Variants in ZMYM2 observed in about 807,000 individuals in gnomAD.
ZMYM2 encodes zinc finger MYM-type containing 2, also known as zinc finger MYM-type protein 2.
ZMYM2 carries 56 observed loss-of-function variants against 162.8 expected under a neutral mutation model. The ratio of observed to expected loss-of-function variants is 0.34; its 90% CI spans 0.28 to 0.43. The LOEUF is 0.43. ZMYM2 is among the 20% of genes least tolerant of loss of function. The pLI is 1.00. For missense variants in ZMYM2, 1,275 were observed against 1,621.8 expected, an observed-to-expected ratio of 0.79 and a Z score of 3.67; for synonymous variants, 510 against 541.6, an observed-to-expected ratio of 0.94 and a Z score of 0.81.
chr13:20,084,278 GC>G (rs1958100039), intron 24 of ZMYM2, among the ~76,000 whole-genome samples: 1 of 152,174 alleles, frequency 6.6e-6, no homozygotes, highest in Non-Finnish European at 1.5e-5. Flanking sequence ...CTCCCAAAGT[GC>G]TGGAATTACA....
In ZMYM2 at chr13:19,993,456, TCAAGGG is replaced by T; in HGVS notation, c.389_394del (p.Gly130_Gln131del). ...ATGATGAAGAGGACATGGAAACAAA[TCAAGGG>T]CAAGAGAAAAATTCCTCCAATTTTA... is the stretch of plus-strand genomic sequence containing the variant. On this transcript the variant is annotated inframe_deletion, in exon 3 of 25. Coordinates refer to ENST00000610343, the MANE Select transcript of ZMYM2 (RefSeq NM_197968.4). 6.2e-7 allele frequency: 1 copy of T among 1,613,922 alleles called. No individual in the cohort carries two copies. Among genetic ancestry groups the T allele is most frequent in the Non-Finnish European group, 8.5e-7 (1 of 1,179,924 alleles).
chr13:19,891,763 C>G, the ZMYM2 span, among the ~76,000 whole-genome samples: 2 of 151,714 alleles, frequency 1.3e-5, no homozygotes, highest in African/African-American at 4.9e-5. Context: ...GGCAACAGCT[C>G]AAGATCCTCC....
the ZMYM2 span, among the ~76,000 whole-genome samples, chr13:19,869,583 T>C: frequency 1.1e-4 from 17 of 151,258 alleles, no homozygotes; most frequent in African/African-American, 4.1e-4. Context: ...AGCCCAAGAG[T>C]TTCAGACCAG....
At chr13:19,955,332 C>G (rs1477073503), upstream of ZMYM2, among the ~76,000 whole-genome samples, 1 of 152,044 alleles carries the variant, frequency 6.6e-6, no homozygotes, top group Non-Finnish European at 1.5e-5. Context: ...AAGTTTTATA[C>G]ATGTATGCTC....
chr13:19,923,191 C>CAAAA, the ZMYM2 span, among the ~76,000 whole-genome samples: 3 of 125,526 alleles, frequency 2.4e-5, no homozygotes, highest in East Asian at 4.7e-4. Flanking sequence ...ACTAAATATA[C>CAAAA]AAAAAAAAAA....
chr13:19,885,911 A>ATACACACATATGTGTG, the ZMYM2 span, among the ~76,000 whole-genome samples: 35 of 25,610 alleles, frequency 1.4e-3, 9 homozygotes, highest in East Asian at 4.8e-3. Flanking sequence ...ATATATATGT[A>ATACACACATATGTGTG]TATACACATA....
chr13:20,042,360 T>TA (rs1432612388), intron 12 of ZMYM2, among the ~76,000 whole-genome samples: 1 of 152,134 alleles, frequency 6.6e-6, no homozygotes, highest in East Asian at 1.9e-4. Context: ...TATTAATACT[T>TA]ATGATTGCCT....
intron 5 of ZMYM2, among the ~76,000 whole-genome samples, chr13:20,005,911 G>A (rs933107512): frequency 1.3e-5 from 2 of 152,106 alleles, no homozygotes; most frequent in East Asian, 1.9e-4. Context: ...ATGTGTTCCT[G>A]TGTGTATAAA....
intron 12 of ZMYM2, among the ~76,000 whole-genome samples, chr13:20,044,314 C>A (rs1954560277): frequency 6.6e-6 from 1 of 152,188 alleles, no homozygotes; most frequent in Non-Finnish European, 1.5e-5. Flanking sequence ...GAGGCCTGTG[C>A]CCAGAGCAGG....
chr13:20,015,279 T>C (rs578231310), intron 6 of ZMYM2, among the ~76,000 whole-genome samples: 22 of 152,314 alleles, frequency 1.4e-4, no homozygotes, highest in African/African-American at 5.3e-4. Context: ...GTTCCTTCTA[T>C]TACTGATTTC....
At chr13:20,053,158 C>T (rs926533207) in intron 14 of ZMYM2, among the ~76,000 whole-genome samples, 5 of 152,188 alleles carry the variant, frequency 3.3e-5, no homozygotes, top group African/African-American at 1.2e-4. Flanking sequence ...TTACAGCAGT[C>T]ACCAGTGGTG....
chr13:20,079,467 TTTGCCTCTG>T (rs1957768763), intron 21 of ZMYM2, among the ~76,000 whole-genome samples: 1 of 151,944 alleles, frequency 6.6e-6, no homozygotes, highest in South Asian at 2.1e-4. Context: ...CAGCTTCTCC[TTTGCCTCTG>T]TTCCTGAAAC....
At chr13:19,931,278 AT>A in the ZMYM2 span, among the ~76,000 whole-genome samples, 1 of 150,838 alleles carries the variant, frequency 6.6e-6, no homozygotes, top group Non-Finnish European at 1.5e-5. Flanking sequence ...TTTATTCAGT[AT>A]TTTTCCCCCC....
At chr13:19,926,375 T>A in the ZMYM2 span, among the ~76,000 whole-genome samples, 1 of 149,346 alleles carries the variant, frequency 6.7e-6, no homozygotes, top group Non-Finnish European at 1.5e-5. Context: ...TTTTTTTTTT[T>A]TTTTTTTAGT....
the ZMYM2 span, among the ~76,000 whole-genome samples, chr13:19,872,726 C>T: frequency 6.6e-6 from 1 of 151,966 alleles, no homozygotes; most frequent in Admixed American, 6.6e-5. Flanking sequence ...AGACCAGGCG[C>T]GGTTGCTCAT....
the ZMYM2 span, among the ~76,000 whole-genome samples, chr13:19,882,811 G>A: frequency 1.3e-5 from 2 of 152,158 alleles, no homozygotes; most frequent in Non-Finnish European, 2.9e-5. Context: ...TTGCCAGTGG[G>A]AATATAAAAT....
the ZMYM2 span, among the ~76,000 whole-genome samples, chr13:19,925,139 C>T: frequency 6.6e-6 from 1 of 152,148 alleles, no homozygotes; most frequent in Non-Finnish European, 1.5e-5. Context: ...CTGCCTTGGC[C>T]TCCCAAAGTG....
At chr13:19,969,200 C>G (rs913491802) in intron 2 of ZMYM2, among the ~76,000 whole-genome samples, 5 of 152,214 alleles carry the variant, frequency 3.3e-5, no homozygotes, top group Admixed American at 3.3e-4. Flanking sequence ...TGGACGTATT[C>G]ATCGCAGTCT....
At chr13:20,049,174 C>G (rs1257210009) in intron 12 of ZMYM2, among the ~76,000 whole-genome samples, 1 of 6,018 alleles carries the variant, frequency 1.7e-4, no homozygotes, top group Non-Finnish European at 2.1e-3. Flanking sequence ...TGAGTTCTCA[C>G]TTACTGTTTT....
Sources: allele counts gnomAD v4.1 joint callset (sites outside exome capture counted in the v4.1 genomes callset), GRCh38; gene constraint gnomAD v4.1.1; transcripts MANE v1.5; gene names NCBI Gene and HGNC (gene_info 2026-07-23, HGNC 2026-07-21).